Variants in RGS5 observed in about 807,000 individuals in gnomAD.
RGS5 encodes the protein regulator of G protein signaling 5, also known as regulator of G-protein signalling 5.
A neutral mutation model predicts 18.9 loss-of-function variants in RGS5; 20 were observed. The observed-to-expected ratio is 1.06, with a 90% CI of 0.74 to 1.54. The LOEUF (loss-of-function observed/expected upper bound fraction) is 1.54, where lower values mean the gene tolerates loss of function less well. Ranked by LOEUF, RGS5 falls within the 40% of genes most tolerant of loss-of-function variation. The pLI is 0.00. For synonymous variants in RGS5, 57 were observed against 76.2 expected (o/e 0.75, Z 1.31); for missense variants, 201 against 211.8 (o/e 0.95, Z 0.32).
chr1:163,311,479 G>T (rs955318165), intron 1 of RGS5, among the ~76,000 whole-genome samples: 2 of 152,146 alleles, frequency 1.3e-5, no homozygotes, highest in Non-Finnish European at 2.9e-5. Context: ...TTCTCACTAA[G>T]TTTAATCATT....
chr1:163,243,569 C>G (rs1313556468), intron 2 of RGS5, among the ~76,000 whole-genome samples: 1 of 143,108 alleles, frequency 7.0e-6, no homozygotes, highest in Non-Finnish European at 1.5e-5. Flanking sequence ...ATGGCGTGAA[C>G]CCGGGAGGCG....
At chr1:163,180,316 A>G (rs997124932) in intron 1 of RGS5, among the ~76,000 whole-genome samples, 1 of 152,056 alleles carries the variant, frequency 6.6e-6, no homozygotes, top group Non-Finnish European at 1.5e-5. Flanking sequence ...CTTCATACCT[A>G]TATTTACCAC....
At chr1:163,171,111 T>C (rs1011751583) in intron 1 of RGS5, among the ~76,000 whole-genome samples, 3 of 152,132 alleles carry the variant, frequency 2.0e-5, no homozygotes, top group Admixed American at 6.6e-5. Context: ...GAACATTACA[T>C]TGAAACATAC....
chr1:163,255,166 T>C (rs1227791195), intron 2 of RGS5, among the ~76,000 whole-genome samples: 1 of 152,056 alleles, frequency 6.6e-6, no homozygotes, highest in African/African-American at 2.4e-5. Context: ...TTAAAGTAGT[T>C]TTTTCCAATT....
intron 2 of RGS5, among the ~76,000 whole-genome samples, chr1:163,166,644 T>C (rs1658067458): frequency 6.6e-6 from 1 of 152,188 alleles, no homozygotes; most frequent in African/African-American, 2.4e-5. Context: ...TACAGAATTA[T>C]TCTCTAGGGA....
chr1:163,198,034 G>T (rs533619461), intron 1 of RGS5, among the ~76,000 whole-genome samples: 16 of 152,048 alleles, frequency 1.1e-4, no homozygotes, highest in Non-Finnish European at 2.4e-4. Context: ...CCTCAGATTA[G>T]TTCATTAGTA....
intron 1 of RGS5, among the ~76,000 whole-genome samples, chr1:163,187,665 T>C (rs906293279): frequency 1.3e-5 from 2 of 152,112 alleles, no homozygotes; most frequent in Admixed American, 1.3e-4. Context: ...GTGTACCAGG[T>C]AGGGCATAGG....
intron 2 of RGS5, among the ~76,000 whole-genome samples, chr1:163,223,931 T>C (rs1362729024): frequency 1.3e-5 from 2 of 152,192 alleles, no homozygotes; most frequent in Non-Finnish European, 1.5e-5. Flanking sequence ...TTGTTTTTAA[T>C]GAATACATAA....
chr1:163,206,231 C>A (rs998986306), upstream of RGS5, among the ~76,000 whole-genome samples: 18 of 152,160 alleles, frequency 1.2e-4, no homozygotes, highest in Non-Finnish European at 7.4e-5. Context: ...CCTGCTGGCA[C>A]CTTGATCTTG....
In RGS5 at chr1:163,145,029, T is replaced by C. The variant is rs953940347; in HGVS notation, c.*2313A>G. The C allele has an allele frequency of 6.6e-6, 1 of 152,210 alleles. No homozygotes were observed. The highest frequency in any genetic ancestry group is 2.4e-5 in the African/African-American group (1 of 41,464). The allele number at this position is 152,210 out of a possible 1,614,324, so 9.4% of individuals were successfully genotyped here. On this transcript the variant is annotated 3_prime_UTR_variant, in exon 5 of 5. Transcript: ENST00000313961. ...TAGATATAATGTCACAATATCACTA[T>C]AAGGCATTCCTTCTTCCATTCTTTT...
chr1:163,253,303 A>G (rs1421768504), intron 2 of RGS5, among the ~76,000 whole-genome samples: 2 of 152,018 alleles, frequency 1.3e-5, no homozygotes, highest in Non-Finnish European at 2.9e-5. Flanking sequence ...GAAATAAACT[A>G]AGACAGATAA....
chr1:163,202,934 G>A (rs1323953040), upstream of RGS5: 1 of 1,132,916 alleles, frequency 8.8e-7, no homozygotes. Context: ...CTTTCCTCCT[G>A]AGGTATATAT....
chr1:163,231,872 T>C (rs1647491019), intron 2 of RGS5, among the ~76,000 whole-genome samples: 1 of 152,146 alleles, frequency 6.6e-6, no homozygotes, highest in South Asian at 2.1e-4. Flanking sequence ...TATCGTTATA[T>C]GTGCAGAAGT....
chr1:163,263,750 T>C (rs1438448291), intron 2 of RGS5, among the ~76,000 whole-genome samples: 1 of 152,060 alleles, frequency 6.6e-6, no homozygotes, highest in Non-Finnish European at 1.5e-5. Context: ...ATATTTTGTT[T>C]AAATTATTAT....
intron 2 of RGS5, among the ~76,000 whole-genome samples, chr1:163,285,998 G>GCGTGCA (rs1553226793): frequency 1.5e-5 from 2 of 135,030 alleles, no homozygotes; most frequent in African/African-American, 5.8e-5. Context: ...TTTAATTTAT[G>GCGTGCA]CACACACACA....
intron 1 of RGS5, among the ~76,000 whole-genome samples, chr1:163,210,010 G>A (rs941525480): frequency 6.6e-6 from 1 of 150,822 alleles, no homozygotes; most frequent in Non-Finnish European, 1.5e-5. Context: ...TTTTTTCTGG[G>A]ACAGGGTCTG....
chr1:163,161,968 A>G lies in RGS5; in HGVS notation c.164T>C (p.Leu55Pro). 6.2e-7 allele frequency: 1 copy of G among 1,612,910 alleles called. No individual in the cohort carries two copies. The highest frequency in any genetic ancestry group is 8.5e-7 in the Non-Finnish European group (1 of 1,178,990). Residue 55 changes from leucine (L) to proline (P), a missense_variant, in exon 3 of 5, where the codon CTG becomes CCG. Coordinates refer to ENST00000313961, the MANE Select transcript of RGS5 (RefSeq NM_003617.4). ...ATCACGCCACTGCAGGGCCTCGTCC[A>G]GCGAGGTTCTACATCAATAATAAGG... Reference protein sequence around the residue: ...EKPAKTQKTSLDEALQWRDSL... With the variant: ...EKPAKTQKTSPDEALQWRDSL...
intron 1 of RGS5, among the ~76,000 whole-genome samples, chr1:163,314,550 AC>A (rs751915003): frequency 1.3e-5 from 2 of 151,252 alleles, no homozygotes; most frequent in South Asian, 4.2e-4. Flanking sequence ...AAACAAAACA[AC>A]AACAACAACA....
chr1:163,210,743 A>C (rs1348750446), intron 1 of RGS5: 1 of 152,036 alleles, frequency 6.6e-6, no homozygotes, highest in Non-Finnish European at 1.5e-5. Flanking sequence ...TTTTTAAAAA[A>C]TTTTTTTCCA....
Sources: gnomAD v4.1 joint callset for allele counts (sites outside exome capture counted in the v4.1 genomes callset) on GRCh38, gnomAD v4.1.1 for gene constraint, MANE v1.5 for transcripts, NCBI Gene and HGNC (gene_info 2026-07-23, HGNC 2026-07-21) for gene names.